Variants in TIAM1 observed in about 807,000 individuals in gnomAD.
The protein encoded by TIAM1 is rho guanine nucleotide exchange factor TIAM1.
Under a neutral mutation model 163.5 loss-of-function variants are expected in TIAM1, and 65 were observed. The observed-to-expected ratio is 0.40, with a 90% CI of 0.33 to 0.49. TIAM1 has a LOEUF of 0.49. TIAM1 is among the 20% of genes least tolerant of loss of function. The probability of loss-of-function intolerance (pLI) is 0.77; values close to 1 mark genes in which losing one functional copy is unlikely to be tolerated. For synonymous variants in TIAM1, 833 were observed against 810.1 expected, an observed-to-expected ratio of 1.03 and a Z score of -0.48; for missense variants, 1,789 against 2,044.7, an observed-to-expected ratio of 0.87 and a Z score of 2.41.
chr21:31,427,182 T>C (rs2043822893), intron 2 of TIAM1, among the ~76,000 whole-genome samples: 1 of 152,176 alleles, frequency 6.6e-6, no homozygotes, highest in African/African-American at 2.4e-5. Flanking sequence ...CAATATACTA[T>C]GTCTTTAAGA....
At chr21:31,299,766 T>C (rs1343376653) in intron 2 of TIAM1, among the ~76,000 whole-genome samples, 2 of 152,066 alleles carry the variant, frequency 1.3e-5, no homozygotes, top group Admixed American at 1.3e-4. Context: ...CAAATGACAG[T>C]GGAAAGTCAT....
At position 31,295,717 on chromosome 21, in the gene TIAM1, A is replaced by G. The variant is rs527724994; in HGVS notation, c.-188-18809T>C. 8.5e-5 allele frequency among the ~76,000 whole-genome samples: 13 copies of G among 152,254 alleles called. No homozygotes were observed. The East Asian group carries it at 2.1e-3, about 25-fold the overall frequency. ...GGTAATAGAGCTGAGAGTCTCTACAATTCAATAGATGCCCTTAACAGGACA... is the reference window on the plus strand; with the variant it reads ...GGTAATAGAGCTGAGAGTCTCTACAGTTCAATAGATGCCCTTAACAGGACA... On this transcript the variant is annotated intron_variant, in intron 2 of 27. Coordinates refer to ENST00000541036, the MANE Select transcript of TIAM1 (RefSeq NM_001353694.2).
chr21:31,378,546 G>A (rs1015697791), intron 2 of TIAM1, among the ~76,000 whole-genome samples: 8 of 152,110 alleles, frequency 5.3e-5, no homozygotes, highest in South Asian at 2.1e-4. Flanking sequence ...CTTCAAATCC[G>A]CAAGGATCCC....
At chr21:31,189,030 T>C (rs960101915) in intron 13 of TIAM1, among the ~76,000 whole-genome samples, 1 of 149,052 alleles carries the variant, frequency 6.7e-6, no homozygotes, top group African/African-American at 2.5e-5. Context: ...CAGGTATGAT[T>C]TGCTCCATTC....
chr21:31,341,768 GT>G lies in TIAM1; in HGVS notation c.-368-2347del, dbSNP rs528071679. ...CTCCTACTTGCAGCTAACGAACTCA[GT>G]TGCTAATTTTCAAAGGCTGTTTAAG... On this transcript the variant is annotated intron_variant, in intron 1 of 27. Coordinates refer to ENST00000541036, the MANE Select transcript of TIAM1 (RefSeq NM_001353694.2). Among the ~76,000 whole-genome samples the G allele has an allele frequency of 2.8e-4, 42 of 152,302 alleles. No homozygotes were observed. In the South Asian group the frequency reaches 8.3e-3, roughly 30 times the overall value.
At chr21:31,551,719 A>G (rs1217326331) in intron 1 of TIAM1, among the ~76,000 whole-genome samples, 1 of 152,222 alleles carries the variant, frequency 6.6e-6, no homozygotes, top group Non-Finnish European at 1.5e-5. Flanking sequence ...TAGGCAGCAG[A>G]GCGAGACCCT....
At chr21:31,304,662 T>A (rs141020448) in intron 2 of TIAM1, among the ~76,000 whole-genome samples, 168 of 152,308 alleles carry the variant, frequency 1.1e-3, no homozygotes, top group African/African-American at 3.5e-3. Flanking sequence ...CAGATTAGAA[T>A]ATTGTATCAT....
At position 31,213,866 on chromosome 21, in the gene TIAM1, C is replaced by CAAAAAAAAAAAAA. The variant is rs35524539; in HGVS notation, c.2143-407_2143-395dup. Among the ~76,000 whole-genome samples, 201 of 54,830 alleles carry CAAAAAAAAAAAAA rather than the reference C, an allele frequency of 3.7e-3. 7 individuals are homozygous for CAAAAAAAAAAAAA. Among genetic ancestry groups the CAAAAAAAAAAAAA allele is most frequent in the African/African-American group, 0.012 (195 of 16,096 alleles). 36.0% of individuals were successfully genotyped at this position (54,830 alleles called of 152,430 possible). A position where few individuals can be genotyped will look rare whatever the true frequency, so the allele number is the denominator to read the frequency against. ...GCAATATAGTTAGACCTCATCTCTA[C>CAAAAAAAAAAAAA]AAAAAAAAAAAAAAAAAAAGAATTA... On this transcript the variant is annotated intron_variant, in intron 9 of 27. Coordinates refer to ENST00000541036, the MANE Select transcript of TIAM1 (RefSeq NM_001353694.2).
intron 1 of TIAM1, among the ~76,000 whole-genome samples, chr21:31,477,466 C>T (rs1456718775): frequency 7.3e-6 from 1 of 136,956 alleles, no homozygotes; most frequent in Non-Finnish European, 1.5e-5. Context: ...GGAAAGGGAA[C>T]TAAATGCATT....
chr21:31,473,429 C>CAAAAAAAAAAAAAAAAAAAA (rs56691495), intron 1 of TIAM1, among the ~76,000 whole-genome samples: 1 of 75,682 alleles, frequency 1.3e-5, no homozygotes, highest in Non-Finnish European at 2.7e-5. Flanking sequence ...GACTCCATCT[C>CAAAAAAAAAAAAAAAAAAAA]AAAAAAAAAA....
intron 10 of TIAM1, among the ~76,000 whole-genome samples, chr21:31,210,574 GAA>G (rs1555890809): frequency 2.4e-4 from 28 of 117,520 alleles, no homozygotes; most frequent in African/African-American, 6.7e-4. Flanking sequence ...AAGAAAGAAA[GAA>G]AGAAAGAAAG....
chr21:31,375,069 C>A lies in TIAM1; in HGVS notation c.-368-35647G>T, dbSNP rs2076660996. On this transcript the variant is annotated intron_variant, in intron 2 of 28. Transcript: ENST00000286827. ...TAGTTTTTCACCTTGTACTAGAATT[C>A]TCTGTATGTTTTTTACACACAGCAG... Among the ~76,000 whole-genome samples, 2 of 152,154 alleles carry A rather than the reference C, an allele frequency of 1.3e-5. 1 individual carries two copies. Among genetic ancestry groups the A allele is most frequent in the South Asian group, 4.1e-4 (2 of 4,820 alleles).
At chr21:31,430,035 G>A (rs759564552) in intron 2 of TIAM1, among the ~76,000 whole-genome samples, 46 of 151,576 alleles carry the variant, frequency 3.0e-4, no homozygotes, top group Non-Finnish European at 3.7e-4. Context: ...GTGAAACCCC[G>A]TCTCTACTAA....
intron 15 of TIAM1, among the ~76,000 whole-genome samples, chr21:31,177,209 A>G (rs2084805240): frequency 6.6e-6 from 1 of 152,194 alleles, no homozygotes; most frequent in Non-Finnish European, 1.5e-5. Flanking sequence ...CAGCCCAATG[A>G]GATGACAGTG....
intron 14 of TIAM1, among the ~76,000 whole-genome samples, chr21:31,184,333 T>C (rs1156359428): frequency 6.6e-6 from 1 of 152,190 alleles, no homozygotes; most frequent in African/African-American, 2.4e-5. Flanking sequence ...CTGGAACTCC[T>C]CACCTCAGGT....
At chr21:31,438,320 T>C (rs1176253095) in intron 2 of TIAM1, among the ~76,000 whole-genome samples, 1 of 150,534 alleles carries the variant, frequency 6.6e-6, no homozygotes, top group Non-Finnish European at 1.5e-5. Context: ...GCCTCCCAAG[T>C]AGCTGGGATT....
At chr21:31,351,885 C>T (rs1001533306) in intron 2 of TIAM1, among the ~76,000 whole-genome samples, 5 of 151,978 alleles carry the variant, frequency 3.3e-5, no homozygotes, top group South Asian at 2.1e-4. Context: ...CTGGCCAACA[C>T]GGCGAAACCC....
chr21:31,246,247 T>C (rs2071496030), intron 5 of TIAM1, among the ~76,000 whole-genome samples: 1 of 152,094 alleles, frequency 6.6e-6, no homozygotes, highest in East Asian at 1.9e-4. Flanking sequence ...AAGCCAACCA[T>C]GCCCTTGTTC....
chr21:31,419,318 T>C (rs916685157), intron 2 of TIAM1, among the ~76,000 whole-genome samples: 6 of 152,178 alleles, frequency 3.9e-5, no homozygotes, highest in Admixed American at 2.0e-4. Flanking sequence ...CCATAAGCAA[T>C]AGATGCATCA....
Sources: allele counts gnomAD v4.1 joint callset (sites outside exome capture counted in the v4.1 genomes callset), GRCh38; gene constraint gnomAD v4.1.1; transcripts MANE v1.5; gene names NCBI Gene and HGNC (gene_info 2026-07-23, HGNC 2026-07-21).